Variants in HPSE2 observed in about 807,000 individuals in gnomAD.
HPSE2 encodes the protein heparanase 2 (inactive).
Under a neutral mutation model 60.5 loss-of-function variants are expected in HPSE2, and 38 were observed. The ratio of observed to expected loss-of-function variants is 0.63; its 90% CI spans 0.48 to 0.82. The LOEUF (loss-of-function observed/expected upper bound fraction) is 0.82. Ranked by LOEUF, HPSE2 falls within the 40% of genes least tolerant of loss-of-function variation. The pLI, the probability that HPSE2 is intolerant of heterozygous loss-of-function variation, is 0.00. For missense variants in HPSE2, 713 were observed against 740.4 expected, an observed-to-expected ratio of 0.96 and a Z score of 0.43; for synonymous variants, 295 against 293.2, an observed-to-expected ratio of 1.01 and a Z score of -0.06.
intron 7 of HPSE2, among the ~76,000 whole-genome samples, chr10:98,627,427 G>A (rs1946246984): frequency 6.6e-6 from 1 of 152,220 alleles, no homozygotes; most frequent in Non-Finnish European, 1.5e-5. Context: ...CAGCCTGCAT[G>A]AGAGTCTCTT....
At chr10:99,211,628 T>C (rs919773658) in intron 2 of HPSE2, among the ~76,000 whole-genome samples, 52 of 152,058 alleles carry the variant, frequency 3.4e-4, no homozygotes, top group African/African-American at 1.3e-3. Context: ...GCCTCTTCAA[T>C]AAATGGTGTT....
chr10:98,866,240 A>C (rs1380827359), intron 3 of HPSE2, among the ~76,000 whole-genome samples: 1 of 152,144 alleles, frequency 6.6e-6, no homozygotes, highest in Non-Finnish European at 1.5e-5. Flanking sequence ...AAATACACAA[A>C]GGTTTAACAG....
At chr10:99,271,776 T>C in the HPSE2 span, among the ~76,000 whole-genome samples, 1 of 152,144 alleles carries the variant, frequency 6.6e-6, no homozygotes, top group Non-Finnish European at 1.5e-5. Flanking sequence ...CAAAACTGCA[T>C]GGTTCTGGTA....
chr10:98,633,383 T>TTG (rs1554958919), intron 7 of HPSE2, among the ~76,000 whole-genome samples: 8 of 151,700 alleles, frequency 5.3e-5, no homozygotes, highest in South Asian at 2.1e-4. Context: ...TTTTCTTTTT[T>TTG]TGTGTGTGTG....
intron 9 of HPSE2, among the ~76,000 whole-genome samples, chr10:98,534,534 A>T (rs985875742): frequency 9.2e-5 from 14 of 151,946 alleles, no homozygotes; most frequent in Non-Finnish European, 2.9e-5. Context: ...CCTCCCAAGT[A>T]GCTGAGATTA....
chr10:99,060,993 T>A (rs534350123), intron 3 of HPSE2, among the ~76,000 whole-genome samples: 5 of 152,264 alleles, frequency 3.3e-5, no homozygotes, highest in South Asian at 4.2e-4. Flanking sequence ...AATAAAAATT[T>A]AAATTTTTTT....
chr10:98,473,926 G>C (rs769867650), intron 11 of HPSE2, among the ~76,000 whole-genome samples: 1 of 152,128 alleles, frequency 6.6e-6, no homozygotes, highest in African/African-American at 2.4e-5. Flanking sequence ...CTCTTGACCC[G>C]TATGAGTTCT....
chr10:98,681,004 T>G (rs1315429255), intron 6 of HPSE2, among the ~76,000 whole-genome samples: 1 of 151,986 alleles, frequency 6.6e-6, no homozygotes, highest in African/African-American at 2.4e-5. Context: ...GCTCAAGTGA[T>G]CCACCCACCT....
At chr10:99,059,765 G>T in intron 3 of HPSE2, among the ~76,000 whole-genome samples, 1 of 152,052 alleles carries the variant, frequency 6.6e-6, no homozygotes, top group Admixed American at 6.5e-5. Flanking sequence ...ATTTTTAACA[G>T]TTCTCACTAA....
intron 6 of HPSE2, among the ~76,000 whole-genome samples, chr10:98,679,693 G>A (rs181555713): frequency 3.7e-4 from 56 of 152,100 alleles, no homozygotes; most frequent in African/African-American, 1.3e-3. Flanking sequence ...GATTATTTTA[G>A]TTTTCGTTTT....
chr10:99,204,974 CT>C (rs1306082448), intron 2 of HPSE2, among the ~76,000 whole-genome samples: 1 of 152,110 alleles, frequency 6.6e-6, no homozygotes, highest in East Asian at 1.9e-4. Context: ...GGCCATTATC[CT>C]AAGTGAACTA....
chr10:98,672,473 C>T (rs1366120105), intron 6 of HPSE2, among the ~76,000 whole-genome samples: 5 of 152,138 alleles, frequency 3.3e-5, no homozygotes, highest in African/African-American at 1.2e-4. Flanking sequence ...CTGAAACAAG[C>T]TATGAGTTTC....
At chr10:98,480,523 G>C (rs895011610) in intron 11 of HPSE2, among the ~76,000 whole-genome samples, 9 of 152,150 alleles carry the variant, frequency 5.9e-5, no homozygotes, top group African/African-American at 1.9e-4. Context: ...GAAAGACAGG[G>C]GTTAAGGTAT....
upstream of HPSE2, among the ~76,000 whole-genome samples, chr10:99,236,023 A>ATTT (rs140396926): frequency 1.1e-5 from 1 of 92,654 alleles, no homozygotes; most frequent in Non-Finnish European, 2.2e-5. Context: ...ATTTTTTTTA[A>ATTT]TTTTTTTTTT....
At chr10:98,580,864 G>GTGTGTGTGTGTGTGTGTGTGTGTGAT in intron 9 of HPSE2, among the ~76,000 whole-genome samples, 1 of 122,504 alleles carries the variant, frequency 8.2e-6, no homozygotes, top group African/African-American at 3.4e-5. Flanking sequence ...GTGTGTGTGT[G>GTGTGTGTGTGTGTGTGTGTGTGTGAT]ATAAACATGA....
At chr10:99,285,208 T>A in the HPSE2 span, among the ~76,000 whole-genome samples, 1 of 151,532 alleles carries the variant, frequency 6.6e-6, no homozygotes, top group Non-Finnish European at 1.5e-5. Flanking sequence ...ATGGGAGTAC[T>A]ACTTGAGCCC....
At chr10:98,965,474 A>G (rs916069672) in intron 3 of HPSE2, among the ~76,000 whole-genome samples, 13 of 152,024 alleles carry the variant, frequency 8.6e-5, no homozygotes, top group African/African-American at 3.1e-4. Context: ...GACACATGGT[A>G]GGCATTCAAT....
chr10:99,218,070 C>G (rs1170791818), intron 2 of HPSE2, among the ~76,000 whole-genome samples: 3 of 151,758 alleles, frequency 2.0e-5, no homozygotes, highest in African/African-American at 7.3e-5. Flanking sequence ...TTTAAGTGAT[C>G]AACAAATGGT....
intron 9 of HPSE2, among the ~76,000 whole-genome samples, chr10:98,524,414 C>A (rs1397023930): frequency 6.6e-6 from 1 of 152,054 alleles, no homozygotes; most frequent in Admixed American, 6.5e-5. Context: ...GGCTGACTGT[C>A]CGAGAGGCCA....
Sources: gnomAD v4.1 joint callset for allele counts (sites outside exome capture counted in the v4.1 genomes callset) on GRCh38, gnomAD v4.1.1 for gene constraint, MANE v1.5 for transcripts, NCBI Gene and HGNC (gene_info 2026-07-23, HGNC 2026-07-21) for gene names.